Variants in UGT1A4 observed in about 807,000 individuals in gnomAD.
The protein encoded by UGT1A4 is UDP glucuronosyltransferase family 1 member A4.
UGT1A4 carries 32 observed loss-of-function variants against 41.1 expected under a neutral mutation model. The ratio of observed to expected loss-of-function variants is 0.78; its 90% CI spans 0.59 to 1.05. The LOEUF is 1.05. Among genes scored for constraint, UGT1A4 ranks in the 50% least tolerant of loss-of-function variants. The pLI is 0.00. For synonymous variants in UGT1A4, 283 were observed against 265.1 expected, an observed-to-expected ratio of 1.07 and a Z score of -0.66; for missense variants, 748 against 677.4, an observed-to-expected ratio of 1.10 and a Z score of -1.16.
intron 1 of UGT1A4, chr2:233,743,939 C>T: frequency 7.4e-7 from 1 of 1,355,422 alleles, no homozygotes; most frequent in Non-Finnish European, 9.9e-7. Context: ...GAACGGCCCA[C>T]CAGGCACTGG....
At chr2:233,770,826 A>G (rs1269125180) in intron 4 of UGT1A4, 5 of 152,196 alleles carry the variant, frequency 3.3e-5, no homozygotes, top group Admixed American at 3.3e-4. Context: ...CTGTTCTTGC[A>G]TTGCTGTAAA....
chr2:233,725,049 T>G (rs1559369971), intron 1 of UGT1A4, among the ~76,000 whole-genome samples: 1 of 147,424 alleles, frequency 6.8e-6, no homozygotes, highest in African/African-American at 2.5e-5. Context: ...CAGTCAGGCG[T>G]GGCGGCGCGC....
At chr2:233,745,519 A>G (rs567771888) in intron 1 of UGT1A4, among the ~76,000 whole-genome samples, 1 of 151,822 alleles carries the variant, frequency 6.6e-6, no homozygotes, top group African/African-American at 2.4e-5. Context: ...ATTAGGTCTA[A>G]TGGGGATGTG....
Position 233,772,456 on chromosome 2 carries a change from T to G in UGT1A4, c.1502T>G (p.Leu501Arg). The G allele has an allele frequency of 6.2e-7, 1 of 1,614,218 alleles. No individual in the cohort carries two copies. ...DVIGFLLAVV[L>R]TVAFITFKCC... ...ATTGGTTTCCTCTTGGCCGTCGTGC[T>G]GACAGTGGCCTTCATCACCTTTAAA... Residue 501 changes from leucine to arginine, a missense_variant, in exon 5 of 5, where the codon CTG becomes CGG. Physicochemically the swap from Leu to Arg is moderately radical, Grantham distance 102. Transcript: ENST00000373409.
intron 4 of UGT1A4, 101 bp from the exon 5 acceptor site, chr2:233,772,161 T>C: frequency 6.4e-7 from 1 of 1,566,196 alleles, no homozygotes; most frequent in Non-Finnish European, 8.7e-7. Context: ...CTTTCCCAAG[T>C]TTGGAAAATC....
Position 233,747,479 on chromosome 2 carries a change from T to A in UGT1A4, c.868-19555T>A, listed in dbSNP as rs897770159. 3 of 1,608,758 alleles carry A rather than the reference T, an allele frequency of 1.9e-6. No individual in the cohort carries two copies. The African/African-American group carries it at 4.0e-5, about 22-fold the overall frequency. ...CCATTTCATGGACCCAGGATGAATT[T>A]GATCGCCTTGTGCTGGGCCACACTC... On this transcript the variant is annotated intron_variant, in intron 1 of 4. Coordinates refer to ENST00000373409, the MANE Select transcript of UGT1A4 (RefSeq NM_007120.3).
rs72551340 is a variant in UGT1A4, at chr2:233,760,509, C to A, written c.868-6525C>A. 17 of 1,614,154 alleles carry A rather than the reference C, an allele frequency of 1.1e-5. No homozygotes were observed. Among genetic ancestry groups the A allele is most frequent in the Non-Finnish European group, 4.2e-6 (5 of 1,180,060 alleles). ...TGTACATCAGAGACGGAGCATTTTA[C>A]ACCTTGAAGACGTACCCTGTGCCAT... is the stretch of plus-strand genomic sequence containing the variant. On this transcript the variant is annotated intron_variant, in intron 1 of 4. Transcript: ENST00000373409.
intron 1 of UGT1A4, among the ~76,000 whole-genome samples, chr2:233,734,079 A>C (rs1004495311): frequency 1.5e-4 from 23 of 152,156 alleles, no homozygotes; most frequent in African/African-American, 5.6e-4. Context: ...CACATTGTGC[A>C]CATGCACCCT....
At chr2:233,751,299 A>G (rs528984436) in intron 1 of UGT1A4, among the ~76,000 whole-genome samples, 1 of 152,078 alleles carries the variant, frequency 6.6e-6, no homozygotes, top group South Asian at 2.1e-4. Context: ...TGGAATGGGA[A>G]TATTTACCCA....
rs147312289 is a variant in UGT1A4, at chr2:233,719,612, C to T, written c.792C>T (p.Asp264=). 507 of 1,614,066 alleles carry T rather than the reference C, an allele frequency of 3.1e-4. No individual in the cohort carries two copies. Among genetic ancestry groups the T allele is most frequent in the African/African-American group, 5.3e-4 (40 of 75,028 alleles). The change falls in exon 1 of 5, where the codon GAC becomes GAT. Residue 264 remains aspartate, a synonymous_variant. Transcript: ENST00000373409. ...VWLFRGDFVM[D]YPRPIMPNMV... ...TGTTCCGAGGGGACTTTGTGATGGA[C>T]TACCCCAGGCCGATCATGCCCAACA...
intron 1 of UGT1A4, among the ~76,000 whole-genome samples, chr2:233,737,011 AG>A (rs2078834177): frequency 1.3e-5 from 2 of 152,192 alleles, no homozygotes; most frequent in Non-Finnish European, 2.9e-5. Context: ...CCGCTTGAGG[AG>A]GCAGTCTGTC....
Position 233,772,033 on chromosome 2 carries a change from A to C in UGT1A4, c.1308-229A>C, listed in dbSNP as rs33979061. Among the ~76,000 whole-genome samples, 33,182 of 152,170 alleles carry C rather than the reference A, an allele frequency of 0.22. 4,506 individuals carry two copies. Among genetic ancestry groups the C allele is most frequent in the South Asian group, 0.32 (1,549 of 4,822 alleles). On this transcript the variant is annotated intron_variant, in intron 4 of 4. Coordinates refer to ENST00000373409, the MANE Select transcript of UGT1A4 (RefSeq NM_007120.3). ...GAGGCTGAGGCAGGAGGATGGCTTG[A>C]GCCCAGGAGTTGGAGGCTGCAGTTA...
intron 1 of UGT1A4, chr2:233,761,151 G>A (rs748685520): frequency 3.7e-6 from 6 of 1,614,140 alleles, no homozygotes; most frequent in Non-Finnish European, 5.1e-6. Flanking sequence ...CACTATCCCA[G>A]GTGTGTATTG....
chr2:233,760,524 C>T (rs2125985415), intron 1 of UGT1A4: 1 of 1,614,240 alleles, frequency 6.2e-7, no homozygotes, highest in Non-Finnish European at 8.5e-7. Context: ...TGAAGACGTA[C>T]CCTGTGCCAT....
intron 1 of UGT1A4, among the ~76,000 whole-genome samples, chr2:233,757,238 GT>G (rs1696448316): frequency 6.7e-6 from 1 of 149,106 alleles, no homozygotes; most frequent in Admixed American, 6.7e-5. Context: ...AGAAGTGGTG[GT>G]GAGGTGGGGT....
At chr2:233,764,677 A>G (rs1698620096) in intron 1 of UGT1A4, among the ~76,000 whole-genome samples, 1 of 152,174 alleles carries the variant, frequency 6.6e-6, no homozygotes, top group Non-Finnish European at 1.5e-5. Flanking sequence ...CAGAAGAAAG[A>G]ACTTGAAGAG....
chr2:233,739,615 T>G (rs1449918072), intron 1 of UGT1A4, among the ~76,000 whole-genome samples: 1 of 152,228 alleles, frequency 6.6e-6, no homozygotes, highest in Non-Finnish European at 1.5e-5. Context: ...TTGGCCAGTT[T>G]CTCCCATTTG....
At chr2:233,756,792 A>G (rs1306951497) in intron 1 of UGT1A4, among the ~76,000 whole-genome samples, 1 of 152,054 alleles carries the variant, frequency 6.6e-6, no homozygotes, top group Non-Finnish European at 1.5e-5. Context: ...TTGTGGGGCA[A>G]TACACTAGTA....
intron 1 of UGT1A4, chr2:233,741,725 C>G (rs1312283881): frequency 6.6e-6 from 1 of 151,856 alleles, no homozygotes; most frequent in Non-Finnish European, 1.5e-5. Flanking sequence ...AGAGCATATC[C>G]AAACCCATAT....
Sources: gnomAD v4.1 joint callset for allele counts (sites outside exome capture counted in the v4.1 genomes callset) on GRCh38, gnomAD v4.1.1 for gene constraint, MANE v1.5 for transcripts, NCBI Gene and HGNC (gene_info 2026-07-23, HGNC 2026-07-21) for gene names.